Variants in SNX30 observed in about 807,000 individuals in gnomAD.
SNX30 encodes sorting nexin family member 30.
SNX30 carries 24 observed loss-of-function variants against 46.4 expected under a neutral mutation model. The observed-to-expected ratio is 0.52, with a 90% confidence interval of 0.37 to 0.73. The LOEUF is 0.73. SNX30 is among the 30% of genes least tolerant of loss of function. SNX30 has a pLI of 0.00. For missense variants in SNX30, 533 were observed against 555.7 expected (o/e 0.96, Z 0.41); for synonymous variants, 189 against 211.5 (o/e 0.89, Z 0.92).
intron 1 of SNX30, among the ~76,000 whole-genome samples, chr9:112,796,373 G>C (rs1315568516): frequency 6.6e-6 from 1 of 152,194 alleles, no homozygotes; most frequent in Non-Finnish European, 1.5e-5. Context: ...GTTTATCCTG[G>C]AGTTCCAGAG....
chr9:112,754,636 C>T (rs1205049398), intron 1 of SNX30, among the ~76,000 whole-genome samples: 1 of 152,124 alleles, frequency 6.6e-6, no homozygotes, highest in Non-Finnish European at 1.5e-5. Flanking sequence ...GAACTTCTGA[C>T]CTCAGATGAT....
At chr9:112,763,102 G>A (rs972870700) in intron 1 of SNX30, among the ~76,000 whole-genome samples, 4 of 152,130 alleles carry the variant, frequency 2.6e-5, no homozygotes, top group African/African-American at 4.8e-5. Flanking sequence ...AGTGGGCACT[G>A]AAGTGTGATC....
chr9:112,882,749 C>G (rs1018637214), downstream of SNX30, among the ~76,000 whole-genome samples: 1 of 151,996 alleles, frequency 6.6e-6, no homozygotes, highest in African/African-American at 2.4e-5. Context: ...TTAATGAGAT[C>G]ATGAGATTGG....
At chr9:112,751,712 G>A (rs1839280619) in intron 1 of SNX30, among the ~76,000 whole-genome samples, 1 of 152,156 alleles carries the variant, frequency 6.6e-6, no homozygotes. Context: ...GGCGGCGGGA[G>A]GAGAGCCTCG....
intron 3 of SNX30, among the ~76,000 whole-genome samples, chr9:112,820,503 A>G (rs56079444): frequency 0.062 from 9,389 of 152,286 alleles, 693 homozygotes; most frequent in African/African-American, 0.17. Context: ...GCAAACATGC[A>G]GAAATGTTCA....
chr9:112,869,126 G>T lies in SNX30; in HGVS notation c.*283G>T. 2 of 401,212 alleles carry T rather than the reference G, an allele frequency of 5.0e-6. No homozygotes were observed. The highest frequency in any genetic ancestry group is 3.6e-5 in the South Asian group (1 of 27,982). The allele number at this position is 401,212 out of a possible 1,614,324, so 24.9% of individuals were successfully genotyped here. On this transcript the variant is annotated 3_prime_UTR_variant, in exon 9 of 9. Coordinates refer to ENST00000374232, the MANE Select transcript of SNX30 (RefSeq NM_001012994.2). ...AGCACTACGAAAATTTGAAACCAAG[G>T]GACAAGACAACCTGCAGCTGACGCT... is the stretch of plus-strand genomic sequence containing the variant.
chr9:112,774,111 A>G (rs927887913), intron 1 of SNX30, among the ~76,000 whole-genome samples: 14 of 152,198 alleles, frequency 9.2e-5, no homozygotes, highest in African/African-American at 3.4e-4. Flanking sequence ...AATATTTATC[A>G]AGTGTCGGGC....
intron 1 of SNX30, 68 bp from the exon 2 acceptor site, chr9:112,804,708 C>G (rs1179009744): frequency 1.4e-6 from 2 of 1,403,194 alleles, no homozygotes; most frequent in African/African-American, 3.0e-5. Context: ...TTGGCTAAAC[C>G]AGCTGCTTTT....
At chr9:112,762,612 T>G (rs1299300083) in intron 1 of SNX30, among the ~76,000 whole-genome samples, 1 of 152,230 alleles carries the variant, frequency 6.6e-6, no homozygotes, top group East Asian at 1.9e-4. Flanking sequence ...AGGGGGATTC[T>G]GAAGCTTAGC....
At chr9:112,880,866 C>G (rs575140990) in intron 5 of SNX30, among the ~76,000 whole-genome samples, 136 of 152,254 alleles carry the variant, frequency 8.9e-4, no homozygotes, top group African/African-American at 2.9e-3. Flanking sequence ...AGGAACTTCT[C>G]TTACTCCAGG....
chr9:112,882,725 G>A (rs1197280845), downstream of SNX30, among the ~76,000 whole-genome samples: 1 of 152,160 alleles, frequency 6.6e-6, no homozygotes, highest in African/African-American at 2.4e-5. Flanking sequence ...ACCCTCGGTG[G>A]GTGGTGCCGC....
chr9:112,867,594 C>T (rs1333811731), intron 8 of SNX30, among the ~76,000 whole-genome samples: 1 of 147,882 alleles, frequency 6.8e-6, no homozygotes, highest in Non-Finnish European at 1.5e-5. Context: ...CTCCTGGCTC[C>T]TCAGGATTCC....
chr9:112,768,242 C>T (rs151173781), intron 1 of SNX30, among the ~76,000 whole-genome samples: 12 of 152,290 alleles, frequency 7.9e-5, no homozygotes, highest in Admixed American at 3.9e-4. Flanking sequence ...GAATGTCATG[C>T]GAATTCTTGC....
At chr9:112,882,344 C>G (rs576013282), downstream of SNX30, among the ~76,000 whole-genome samples, 135 of 152,286 alleles carry the variant, frequency 8.9e-4, no homozygotes, top group African/African-American at 2.9e-3. Context: ...TAAGCTCAAG[C>G]AATTCCCCCA....
intron 1 of SNX30, among the ~76,000 whole-genome samples, chr9:112,786,206 C>T (rs923849451): frequency 6.6e-6 from 1 of 151,900 alleles, no homozygotes; most frequent in Non-Finnish European, 1.5e-5. Flanking sequence ...CAGCCTTGAC[C>T]TCCTGGGCTT....
At chr9:112,760,608 G>A (rs1251013174) in intron 1 of SNX30, among the ~76,000 whole-genome samples, 1 of 152,196 alleles carries the variant, frequency 6.6e-6, no homozygotes, top group Non-Finnish European at 1.5e-5. Context: ...GAGAGGAAGA[G>A]GGGCAAGATC....
chr9:112,756,606 GC>G (rs1248196597), intron 1 of SNX30, among the ~76,000 whole-genome samples: 13 of 151,964 alleles, frequency 8.6e-5, no homozygotes, highest in Non-Finnish European at 1.8e-4. Flanking sequence ...GACTACAGGT[GC>G]CCACCACCAC....
chr9:112,767,710 C>T (rs1839569220), intron 1 of SNX30, among the ~76,000 whole-genome samples: 1 of 152,160 alleles, frequency 6.6e-6, no homozygotes, highest in African/African-American at 2.4e-5. Flanking sequence ...CCATCTCAGC[C>T]TCCTGAGTAG....
chr9:112,877,726 A>ATT (rs374913881), downstream of SNX30: 2 of 147,562 alleles, frequency 1.4e-5, no homozygotes, highest in Non-Finnish European at 3.0e-5. Flanking sequence ...TTTTACTTTA[A>ATT]TTTTTTTTTT....
Sources: allele counts gnomAD v4.1 joint callset (sites outside exome capture counted in the v4.1 genomes callset), GRCh38; gene constraint gnomAD v4.1.1; transcripts MANE v1.5; gene names NCBI Gene and HGNC (gene_info 2026-07-23, HGNC 2026-07-21).